Variants in GALNT13 observed in about 807,000 individuals in gnomAD.
GALNT13 encodes polypeptide N-acetylgalactosaminyltransferase 13, also known as UDP-GalNAc:polypeptide N-acetylgalactosaminyltransferase 13.
Under a neutral mutation model 64.2 loss-of-function variants are expected in GALNT13, and 28 were observed. The observed-to-expected ratio is 0.44, with a 90% CI of 0.32 to 0.60. GALNT13 has a LOEUF of 0.60. GALNT13 is among the 20% of genes least tolerant of loss of function. The pLI, the probability that GALNT13 is intolerant of heterozygous loss-of-function variation, is 0.05. For missense variants in GALNT13, 577 were observed against 669.8 expected, an observed-to-expected ratio of 0.86 and a Z score of 1.53; for synonymous variants, 214 against 224.6, an observed-to-expected ratio of 0.95 and a Z score of 0.42.
At chr2:154,154,062 T>G (rs1684247862) in intron 4 of GALNT13, among the ~76,000 whole-genome samples, 1 of 152,208 alleles carries the variant, frequency 6.6e-6, no homozygotes, top group South Asian at 2.1e-4. Context: ...CTGTTCCTAT[T>G]CGGCCATCTT....
chr2:153,393,992 C>CACACACA, the GALNT13 span, among the ~76,000 whole-genome samples: 55 of 51,424 alleles, frequency 1.1e-3, no homozygotes, highest in Non-Finnish European at 1.8e-3. Context: ...ACACACACAC[C>CACACACA]CCCTATTGGT....
the GALNT13 span, among the ~76,000 whole-genome samples, chr2:153,496,518 GT>G: frequency 1.0e-3 from 156 of 152,190 alleles, no homozygotes; most frequent in African/African-American, 3.1e-3. Context: ...TTGTAAAATA[GT>G]TTTTTTCAGA....
In GALNT13 at chr2:153,946,421, A is replaced by G. The variant is rs114995456; in HGVS notation, c.142+1782A>G. 5.4e-3 allele frequency among the ~76,000 whole-genome samples: 821 copies of G among 152,224 alleles called. 5 individuals carry two copies. Among genetic ancestry groups the G allele is most frequent in the African/African-American group, 0.018 (754 of 41,560 alleles). On this transcript the variant is annotated intron_variant, in intron 3 of 12. Coordinates refer to ENST00000392825, the MANE Select transcript of GALNT13 (RefSeq NM_052917.4). ...TTAAACTATTGTTCTCTTTGTTGAT[A>G]AGACTTGTTATTTTACTTCATTCAG...
At chr2:154,197,034 T>A (rs926010885) in intron 4 of GALNT13, among the ~76,000 whole-genome samples, 9 of 152,214 alleles carry the variant, frequency 5.9e-5, no homozygotes, top group African/African-American at 1.9e-4. Context: ...GCCTTTTCGA[T>A]GTTCAAAGAT....
At chr2:154,348,676 A>G (rs1696210016) in intron 9 of GALNT13, among the ~76,000 whole-genome samples, 1 of 152,014 alleles carries the variant, frequency 6.6e-6, no homozygotes, top group East Asian at 1.9e-4. Flanking sequence ...GCATCCCAGC[A>G]GGGGAATCTA....
chr2:154,361,616 T>C (rs1417812821), intron 9 of GALNT13, among the ~76,000 whole-genome samples: 1 of 152,088 alleles, frequency 6.6e-6, no homozygotes, highest in Non-Finnish European at 1.5e-5. Flanking sequence ...GGATTGCCTT[T>C]AGATTTAGTG....
the GALNT13 span, among the ~76,000 whole-genome samples, chr2:153,393,491 A>G: frequency 6.6e-6 from 1 of 152,024 alleles, no homozygotes; most frequent in Admixed American, 6.6e-5. Context: ...TTTCCCAAAT[A>G]ATAAGGTATA....
the GALNT13 span, among the ~76,000 whole-genome samples, chr2:153,594,635 A>G: frequency 4.6e-5 from 7 of 152,190 alleles, no homozygotes; most frequent in South Asian, 8.3e-4. Context: ...CTGCAGACCT[A>G]TATTTCCTTT....
At chr2:153,903,346 A>G (rs13033887) in intron 2 of GALNT13, among the ~76,000 whole-genome samples, 1 of 152,092 alleles carries the variant, frequency 6.6e-6, no homozygotes, top group Non-Finnish European at 1.5e-5. Flanking sequence ...GAAAAACGTA[A>G]CACTCAGCAT....
the GALNT13 span, among the ~76,000 whole-genome samples, chr2:153,253,261 T>C: frequency 3.3e-5 from 5 of 149,344 alleles, no homozygotes; most frequent in African/African-American, 1.2e-4. Context: ...ATGATTTGGC[T>C]CTCTGTTTGT....
the GALNT13 span, among the ~76,000 whole-genome samples, chr2:153,076,332 A>C: frequency 6.6e-6 from 1 of 152,128 alleles, no homozygotes. Flanking sequence ...TACACTTAGA[A>C]GCTTTCTCTA....
chr2:153,156,383 T>C, the GALNT13 span, among the ~76,000 whole-genome samples: 1 of 152,162 alleles, frequency 6.6e-6, no homozygotes, highest in Non-Finnish European at 1.5e-5. Context: ...CATTTATATA[T>C]TTTAAATACA....
intron 3 of GALNT13, among the ~76,000 whole-genome samples, chr2:153,993,741 A>G (rs896067972): frequency 5.3e-5 from 8 of 151,650 alleles, no homozygotes; most frequent in African/African-American, 7.3e-5. Flanking sequence ...TCTTCTTGAC[A>G]TATTAGATGA....
At chr2:153,208,973 CTTTTTTTTTTTTT>C in the GALNT13 span, among the ~76,000 whole-genome samples, 1 of 74,682 alleles carries the variant, frequency 1.3e-5, no homozygotes, top group African/African-American at 5.8e-5. Context: ...TGGTTTTGGT[CTTTTTTTTTTTTT>C]TTTTTTTTTT....
At chr2:154,358,518 C>A (rs907507347) in intron 9 of GALNT13, among the ~76,000 whole-genome samples, 4 of 152,100 alleles carry the variant, frequency 2.6e-5, no homozygotes, top group African/African-American at 9.6e-5. Flanking sequence ...GACTCAAAAT[C>A]ACTAAATTTG....
the GALNT13 span, among the ~76,000 whole-genome samples, chr2:153,542,980 A>G: frequency 7.9e-5 from 12 of 152,208 alleles, no homozygotes; most frequent in African/African-American, 2.9e-4. Context: ...TGCAATGCAT[A>G]TTATAAATAG....
At chr2:153,600,794 T>TG in the GALNT13 span, among the ~76,000 whole-genome samples, 1 of 152,160 alleles carries the variant, frequency 6.6e-6, no homozygotes, top group East Asian at 1.9e-4. Flanking sequence ...AAGCAGTTGC[T>TG]GAAATCATTT....
the GALNT13 span, among the ~76,000 whole-genome samples, chr2:153,525,110 C>T: frequency 2.6e-5 from 4 of 152,312 alleles, no homozygotes; most frequent in East Asian, 7.7e-4. Flanking sequence ...CTTTCAGGTC[C>T]TAACTACTGG....
chr2:153,320,324 G>A, the GALNT13 span, among the ~76,000 whole-genome samples: 15 of 151,998 alleles, frequency 9.9e-5, no homozygotes, highest in African/African-American at 2.7e-4. Flanking sequence ...CTATTCACCC[G>A]TTTATTCAGC....
Sources: gnomAD v4.1 joint callset for allele counts (sites outside exome capture counted in the v4.1 genomes callset) on GRCh38, gnomAD v4.1.1 for gene constraint, MANE v1.5 for transcripts, NCBI Gene and HGNC (gene_info 2026-07-23, HGNC 2026-07-21) for gene names.